TPD52L2: variants seen among roughly 807,000 people sequenced by gnomAD.
The protein encoded by TPD52L2 is tumor protein D54.
A neutral mutation model predicts 24.7 loss-of-function variants in TPD52L2; 19 were observed. The ratio of observed to expected loss-of-function variants is 0.77; its 90% CI spans 0.54 to 1.13. TPD52L2 has a LOEUF of 1.13. Among genes scored for constraint, TPD52L2 ranks in the 50% most tolerant of loss-of-function variants. The pLI is 0.00. For synonymous variants in TPD52L2, 104 were observed against 100.2 expected (o/e 1.04, Z -0.23); for missense variants, 236 against 250.4 (o/e 0.94, Z 0.39).
chr20:63,875,827 C>T lies in TPD52L2; in HGVS notation c.326C>T (p.Thr109Ile). The T allele has an allele frequency of 1.9e-6, 3 of 1,614,168 alleles. No homozygotes were observed. The highest frequency in any genetic ancestry group is 2.5e-6 in the Non-Finnish European group (3 of 1,180,002). The change falls in exon 4 of 7, where the codon ACT becomes ATT. Residue 109 changes from threonine (T) to isoleucine (I), a missense_variant. Transcript: ENST00000346249. The stretch of plus-strand genomic sequence containing the variant: ...CTTTCTGTTTTTAGCTATGTGAAAA[C>T]TTCTGAGAAACTTGGAGAGTGGAAT... Reference protein sequence around the residue: ...DVQVSSAYVKTSEKLGEWNEK... With the variant: ...DVQVSSAYVKISEKLGEWNEK...
intron 4 of TPD52L2, among the ~76,000 whole-genome samples, chr20:63,881,726 C>T (rs77521039): frequency 0.041 from 6,320 of 152,332 alleles, 303 homozygotes; most frequent in East Asian, 0.2. Flanking sequence ...AGCCCATCTC[C>T]ATTCAGCCTC....
chr20:63,877,345 G>A lies in TPD52L2; in HGVS notation c.374+1470G>A, dbSNP rs987714823. The A allele has an allele frequency of 1.4e-5, 4 of 281,054 alleles. No homozygotes were observed. The highest frequency in any genetic ancestry group is 2.8e-5 in the Non-Finnish European group (4 of 144,140). 17.4% of individuals were successfully genotyped at this position (281,054 alleles called of 1,614,324 possible). ...CGGCTAATTTTTTGTATTTTTAGTA[G>A]AGACAGGGTTTCATGGTGTTAGCCA... is the stretch of plus-strand genomic sequence containing the variant. On this transcript the variant is annotated intron_variant, in intron 4 of 6. Coordinates refer to ENST00000346249, the MANE Select transcript of TPD52L2 (RefSeq NM_003288.4). This position sits in a 1 kb window ranked among gnomAD's most constrained non-coding sequence, Gnocchi z 4.1.
chr20:63,865,432 C>G lies in TPD52L2; in HGVS notation c.19+48C>G, dbSNP rs1176712410. On this transcript the variant is annotated intron_variant, in intron 1 of 6. Coordinates refer to ENST00000346249, the MANE Select transcript of TPD52L2 (RefSeq NM_003288.4). ...TCGCCGCAGATGGGCCCAGGCTGCC[C>G]GTTGTTCTCCGTCTCCCGGGGTCGC... is the stretch of plus-strand genomic sequence containing the variant. The G allele has an allele frequency of 3.3e-6, 5 of 1,500,042 alleles. No individual in the cohort carries two copies. In the African/African-American group the frequency reaches 7.2e-5, roughly 21 times the overall value. 92.9% of individuals were successfully genotyped at this position (1,500,042 alleles called of 1,614,324 possible). A position where few individuals can be genotyped will look rare whatever the true frequency, so the allele number is the denominator to read the frequency against.
Position 63,884,517 on chromosome 20 carries a change from C to T in TPD52L2, c.476+1697C>T, listed in dbSNP as rs529205982. Among the ~76,000 whole-genome samples the T allele has an allele frequency of 3.9e-5, 6 of 152,278 alleles. No individual in the cohort carries two copies. In the South Asian group the frequency reaches 1.0e-3, roughly 26 times the overall value. ...TTGGAATAGCCGTGCACAAGCCAGT[C>T]CTAGGGTTTTGATCTGGGCATTTGT... On this transcript the variant is annotated intron_variant, in intron 5 of 6. Coordinates refer to ENST00000346249, the MANE Select transcript of TPD52L2 (RefSeq NM_003288.4).
chr20:63,867,386 C>G (rs1186212519), intron 1 of TPD52L2, among the ~76,000 whole-genome samples: 1 of 152,012 alleles, frequency 6.6e-6, no homozygotes, highest in Non-Finnish European at 1.5e-5. Flanking sequence ...ACCAACGTGC[C>G]AAAACCCCGT....
At chr20:63,887,037 G>A (rs1568961823) in intron 5 of TPD52L2, 2 of 182,256 alleles carry the variant, frequency 1.1e-5, no homozygotes, top group Non-Finnish European at 2.3e-5. Context: ...TTCAGATGGA[G>A]TTTTGTCTTG....
chr20:63,886,501 A>C (rs933674558), intron 5 of TPD52L2, among the ~76,000 whole-genome samples: 1 of 151,096 alleles, frequency 6.6e-6, no homozygotes, highest in Non-Finnish European at 1.5e-5. Flanking sequence ...AGCTGGGACT[A>C]CAGGCGCCCG....
chr20:63,885,716 AGGCGTGGACAG>A (rs1400794523), intron 5 of TPD52L2, among the ~76,000 whole-genome samples: 1 of 152,180 alleles, frequency 6.6e-6, no homozygotes, highest in Non-Finnish European at 1.5e-5. Context: ...TTGGGGCATA[AGGCGTGGACAG>A]GGCGTGGACC....
chr20:63,876,761 A>C (rs773375595), intron 4 of TPD52L2: 15 of 455,836 alleles, frequency 3.3e-5, no homozygotes, highest in South Asian at 2.3e-4. Flanking sequence ...GTCTGGTGTC[A>C]CGGTGGGAGG....
intron 4 of TPD52L2, among the ~76,000 whole-genome samples, chr20:63,882,324 C>T (rs1435513356): frequency 1.3e-5 from 2 of 152,248 alleles, no homozygotes; most frequent in African/African-American, 2.4e-5. Flanking sequence ...TCAGGGGGCC[C>T]GTCCGCTCTA....
chr20:63,869,352 C>A lies in TPD52L2; in HGVS notation c.76C>A (p.Pro26Thr). 1 of 1,614,224 alleles carries A rather than the reference C, an allele frequency of 6.2e-7. No individual in the cohort carries two copies. Among genetic ancestry groups the A allele is most frequent in the Non-Finnish European group, 8.5e-7 (1 of 1,180,048 alleles). ...GCTGTCTGACTCCATGACGGATGTT[C>A]CTGTCGACACAGGTGTGGCTGCCCG... ...GLLSDSMTDV[P>T]VDTGVAARTP... Residue 26 changes from proline to threonine, a missense_variant, in exon 2 of 7, where the codon CCT becomes ACT. By Grantham distance (38) the Pro-to-Thr change is conservative. Transcript: ENST00000346249.
intron 5 of TPD52L2, 94 bp downstream of exon 5, chr20:63,882,914 G>A (rs923771172): frequency 2.1e-5 from 19 of 923,258 alleles, no homozygotes; most frequent in East Asian, 1.6e-4. Flanking sequence ...GGAGATCAGG[G>A]CTCAGATGCA....
intron 5 of TPD52L2, among the ~76,000 whole-genome samples, chr20:63,885,023 A>G (rs571716048): frequency 6.6e-6 from 1 of 152,282 alleles, no homozygotes; most frequent in African/African-American, 2.4e-5. Flanking sequence ...GGGCCCATTC[A>G]CCTCGAGTTA....
At chr20:63,869,582 G>A (rs752667222) in intron 2 of TPD52L2, 141 bp downstream of exon 2, 789 of 1,071,068 alleles carry the variant, frequency 7.4e-4, no homozygotes, top group Non-Finnish European at 9.5e-4. Context: ...GACTGATAAC[G>A]GGGTTCTCTT....
chr20:63,875,610 A>G (rs2052642799), intron 3 of TPD52L2, among the ~76,000 whole-genome samples: 1 of 152,204 alleles, frequency 6.6e-6, no homozygotes, highest in Non-Finnish European at 1.5e-5. Context: ...AGGGAACATC[A>G]GTTCCGCTAT....
Position 63,890,205 on chromosome 20 carries a change from C to T in TPD52L2, c.*260C>T, listed in dbSNP as rs941777202. On this transcript the variant is annotated 3_prime_UTR_variant, in exon 7 of 7. Transcript: ENST00000346249. ...CCTTCCTAGGGGTGCAGGAAGTGGA[C>T]AGGGCGGAGGGTTTGAAAGAATATT... 11 of 762,160 alleles carry T rather than the reference C, an allele frequency of 1.4e-5. No individual in the cohort carries two copies. The African/African-American group carries it at 1.6e-4, about 11-fold the overall frequency. The allele number at this position is 762,160 out of a possible 1,614,324, so 47.2% of individuals were successfully genotyped here.
At chr20:63,889,141 G>C (rs752843763) in intron 5 of TPD52L2, 49 bp from the exon 6 acceptor site, 1 of 1,555,950 alleles carries the variant, frequency 6.4e-7, no homozygotes, top group East Asian at 2.2e-5. Flanking sequence ...TAGGAGAGCA[G>C]CACAACCCTC....
intron 2 of TPD52L2, 75 bp downstream of exon 2, chr20:63,869,516 CT>C: frequency 6.3e-7 from 1 of 1,579,292 alleles, no homozygotes; most frequent in Non-Finnish European, 8.7e-7. Context: ...GGCCAGGGTA[CT>C]GGCCACGCTC....
At position 63,890,169 on chromosome 20, in the gene TPD52L2, C is replaced by A; in HGVS notation, c.*224C>A. On this transcript the variant is annotated 3_prime_UTR_variant, in exon 7 of 7. Transcript: ENST00000346249. ...ACTCACGTTTGTAGATGAAACAGAT[C>A]ACTGTGCTGTCCTTCCTAGGGGTGC... 1.9e-6 allele frequency: 2 copies of A among 1,044,034 alleles called. No homozygotes were observed. Among genetic ancestry groups the A allele is most frequent in the Non-Finnish European group, 2.7e-6 (2 of 736,570 alleles). The allele number at this position is 1,044,034 out of a possible 1,614,324, so 64.7% of individuals were successfully genotyped here. A position where few individuals can be genotyped will look rare whatever the true frequency, so the allele number is the denominator to read the frequency against.
Sources: allele counts gnomAD v4.1 joint callset (sites outside exome capture counted in the v4.1 genomes callset), GRCh38; gene constraint gnomAD v4.1.1; non-coding constraint Gnocchi (gnomAD v3.1); transcripts MANE v1.5; gene names NCBI Gene and HGNC (gene_info 2026-07-23, HGNC 2026-07-21).